Variants in POLE observed in about 807,000 individuals in gnomAD.
The protein encoded by POLE is DNA polymerase epsilon catalytic subunit A.
Under a neutral mutation model 279.2 loss-of-function variants are expected in POLE, and 188 were observed. That is an observed-to-expected ratio of 0.67 (90% CI 0.60 to 0.76). POLE has a LOEUF of 0.76. Ranked by LOEUF, POLE falls within the 30% of genes least tolerant of loss-of-function variation. POLE has a pLI of 0.00. For missense variants in POLE, 2,703 were observed against 3,016.7 expected, an observed-to-expected ratio of 0.90 and a Z score of 2.44; for synonymous variants, 1,214 against 1,172.5, an observed-to-expected ratio of 1.04 and a Z score of -0.72.
At position 132,661,452 on chromosome 12, in the gene POLE, ACCT is replaced by A; in HGVS notation, c.2864+72_2864+74del. ...TGTTTCTATCCTGGCTCCTGATCCAACCTCCTTTCTGGGCTAAATTTAATCTAT... is the reference window on the plus strand; with the variant it reads ...TGTTTCTATCCTGGCTCCTGATCCAACCTTTCTGGGCTAAATTTAATCTAT... On this transcript the variant is annotated intron_variant, in intron 24 of 48. Transcript: ENST00000320574. The surrounding 1 kb of genome is among the most constrained non-coding windows in gnomAD (Gnocchi z 4.1). 6.6e-7 allele frequency: 1 copy of A among 1,510,150 alleles called. No individual in the cohort carries two copies. The highest frequency in any genetic ancestry group is 1.2e-5 in the South Asian group (1 of 81,980). 93.5% of individuals were successfully genotyped at this position (1,510,150 alleles called of 1,614,324 possible). A position where few individuals can be genotyped will look rare whatever the true frequency, so the allele number is the denominator to read the frequency against.
At chr12:132,625,885 C>G in intron 46 of POLE, 115 bp from the exon 47 acceptor site, 1 of 1,423,996 alleles carries the variant, frequency 7.0e-7, no homozygotes. Flanking sequence ...GGGCGAGTCT[C>G]CTGAGTGCAG....
rs766396200 is a variant in POLE at position 132,672,266 on chromosome 12, G to A, written c.1743C>T (p.Ala581=). ...LQRVEKTLRH[A]LEEEEKVPVE... ...CAGGCACTTTCTCCTCTTCCTCAAG[G>A]GCGTGGCGCAAGGTCTTCTCAACCC... Residue 581 remains alanine (A), a synonymous_variant, in exon 16 of 49, where the codon GCC becomes GCT. Coordinates refer to ENST00000320574, the MANE Select transcript of POLE (RefSeq NM_006231.4). 3.1e-6 allele frequency: 5 copies of A among 1,614,042 alleles called. No homozygotes were observed. The African/African-American group carries it at 4.0e-5, about 13-fold the overall frequency.
At chr12:132,626,096 C>CCCT in intron 46 of POLE, 21 bp downstream of exon 46, 1 of 1,574,182 alleles carries the variant, frequency 6.4e-7, no homozygotes, top group Non-Finnish European at 8.6e-7. Flanking sequence ...CAGTGAAGGG[C>CCCT]CCGCTGGAGC....
chr12:132,649,477 C>T lies in POLE; in HGVS notation c.3834G>A (p.Lys1278=), dbSNP rs878854862. ...WLVWLRFHKK[K]WQLQARQRLA... ...GGCGCTGCCGGGCCTGCAGCTGCCA[C>T]TTCTTCTTGTGGAACCGGAGCCAGA... is the stretch of plus-strand genomic sequence containing the variant. The change falls in exon 31 of 49, where the codon AAG becomes AAA. Residue 1278 remains lysine, a synonymous_variant. Transcript: ENST00000320574. 6.2e-7 allele frequency: 1 copy of T among 1,612,406 alleles called. No individual in the cohort carries two copies. Among genetic ancestry groups the T allele is most frequent in the Non-Finnish European group, 8.5e-7 (1 of 1,180,014 alleles).
At chr12:132,636,955 C>T (rs987389005) in intron 41 of POLE, among the ~76,000 whole-genome samples, 9 of 152,196 alleles carry the variant, frequency 5.9e-5, no homozygotes, top group East Asian at 1.9e-4. Context: ...TGAGCAACCC[C>T]GGCCTCCTCA....
Position 132,643,970 on chromosome 12 carries a change from C to T in POLE, c.4157G>A (p.Arg1386Gln), listed in dbSNP as rs969355093. The change falls in exon 33 of 49, where the codon CGG (arginine) becomes CAG (glutamine). Residue 1386 changes from arginine (R) to glutamine (Q), a missense_variant. This residue lies in a region of POLE where 1,551 missense variants were observed against 1,686.1 expected (regional missense o/e 0.92). Transcript: ENST00000320574. The stretch of plus-strand genomic sequence containing the variant: ...GACCATGTTGGAGCGAGGAAGGACC[C>T]GATTTACCTGGCGAGAATACGACGA... ...EEGASYRKVNRVLPRSNMVYN... is the reference protein window; with the variant it reads ...EEGASYRKVNQVLPRSNMVYN... The T allele has an allele frequency of 9.3e-6, 15 of 1,612,996 alleles. No homozygotes were observed. Among genetic ancestry groups the T allele is most frequent in the East Asian group, 4.5e-5 (2 of 44,852 alleles).
At chr12:132,649,188 G>T in intron 31 of POLE, 116 bp from the exon 32 acceptor site, 1 of 1,498,318 alleles carries the variant, frequency 6.7e-7, no homozygotes, top group Non-Finnish European at 9.1e-7. Context: ...CCCTACGATG[G>T]GCAGGAAACT....
chr12:132,632,184 T>A, intron 45 of POLE, 131 bp downstream of exon 45: 2 of 700,154 alleles, frequency 2.9e-6, no homozygotes, highest in Non-Finnish European at 4.9e-6. Flanking sequence ...TATGTCGGTG[T>A]CCTTATCTTG....
chr12:132,647,085 G>C (rs1241446067), intron 32 of POLE, among the ~76,000 whole-genome samples: 1 of 152,130 alleles, frequency 6.6e-6, no homozygotes. Flanking sequence ...TAAAATTGCA[G>C]TTTCTAAGGA....
Position 132,675,274 on chromosome 12 carries a change from C to T in POLE, c.1226+124G>A, listed in dbSNP as rs2043018198. 5 of 1,259,948 alleles carry T rather than the reference C, an allele frequency of 4.0e-6. No individual in the cohort carries two copies. The highest frequency in any genetic ancestry group is 5.5e-6 in the Non-Finnish European group (5 of 913,546). 78.0% of individuals were successfully genotyped at this position (1,259,948 alleles called of 1,614,324 possible). A position where few individuals can be genotyped will look rare whatever the true frequency, so the allele number is the denominator to read the frequency against. ...TTGCAGCTGCCATACTCTTGGGTGACCTGAAACGGCCTCTCGGAGGCCACC... is the reference window on the plus strand; with the variant it reads ...TTGCAGCTGCCATACTCTTGGGTGATCTGAAACGGCCTCTCGGAGGCCACC... On this transcript the variant is annotated intron_variant, in intron 12 of 48. Transcript: ENST00000320574. This position sits in a 1 kb window ranked among gnomAD's most constrained non-coding sequence, Gnocchi z 4.3.
rs879783561 is a variant in POLE at position 132,626,239 on chromosome 12, C to T, written c.6409G>A (p.Glu2137Lys). 1.2e-5 allele frequency: 19 copies of T among 1,613,782 alleles called. No individual in the cohort carries two copies. Among genetic ancestry groups the T allele is most frequent in the African/African-American group, 6.7e-5 (5 of 74,926 alleles). The change falls in exon 46 of 49, where the codon GAG becomes AAG. Residue 2137 changes from glutamate (E) to lysine (K), a missense_variant. Glu to Lys is a moderately conservative substitution (Grantham distance 56). Coordinates refer to ENST00000320574, the MANE Select transcript of POLE (RefSeq NM_006231.4). Reference protein sequence around the residue: ...RDLLRLVDVGEFSEEAQFRDP... With the variant: ...RDLLRLVDVGKFSEEAQFRDP... ...CGGAACTGGGCCTCCTCGGAGAACT[C>T]GCCGACATCCACCAGGCGAAGCAGG...
chr12:132,643,418 T>G lies in POLE; in HGVS notation c.4433A>C (p.Tyr1478Ser), dbSNP rs1162335715. The change falls in exon 34 of 49, where the codon TAC becomes TCC. Residue 1478 changes from tyrosine (Y) to serine (S), a missense_variant. This residue lies in a region of POLE where 1,551 missense variants were observed against 1,686.1 expected (regional missense o/e 0.92). Transcript: ENST00000320574. Reference sequence around the variant, plus strand: ...GGTGCAGGCCATACCTGGTTCCAGGTAGCTGAACTGGGCCAGAGAGCGCAT... The same window carrying G: ...GGTGCAGGCCATACCTGGTTCCAGGGAGCTGAACTGGGCCAGAGAGCGCAT... ...LEMRSLAQFS[Y>S]LEPGSIRHIY... 6.2e-7 allele frequency: 1 copy of G among 1,614,188 alleles called. No homozygotes were observed. The highest frequency in any genetic ancestry group is 8.5e-7 in the Non-Finnish European group (1 of 1,180,014).
Position 132,667,622 on chromosome 12 carries a change from T to TA in POLE, c.2199_2200insT (p.Ile734TyrfsTer57), listed in dbSNP as rs766818687. 5.0e-6 allele frequency: 8 copies of TA among 1,614,136 alleles called. No individual in the cohort carries two copies. The highest frequency in any genetic ancestry group is 3.3e-5 in the Admixed American group (2 of 60,034). On this transcript the variant is annotated frameshift_variant, in exon 20 of 49. Coordinates refer to ENST00000320574, the MANE Select transcript of POLE (RefSeq NM_006231.4). LOFTEE classifies it high-confidence loss of function. ...CGCTCTTCCACCTTGGTGATGTGGA[T>TA]CTTCTTGTAGGCTTTCCGGCAGTAA...
intron 15 of POLE, 82 bp downstream of exon 15, chr12:132,672,545 G>T (rs1199022786): frequency 1.4e-6 from 2 of 1,413,206 alleles, no homozygotes; most frequent in Non-Finnish European, 9.9e-7. Context: ...GGGAGAAGGG[G>T]CTTTATTTCA....
intron 29 of POLE, chr12:132,650,375 G>C (rs2042395569): frequency 6.0e-6 from 1 of 166,080 alleles, no homozygotes; most frequent in Non-Finnish European, 1.3e-5. Context: ...AGCACTTTGA[G>C]AGGCTGAGGT....
At position 132,624,941 on chromosome 12, in the gene POLE, G is replaced by C. The variant is rs774472240; in HGVS notation, c.6711C>G (p.Ser2237Arg). 6.2e-7 allele frequency: 1 copy of C among 1,614,104 alleles called. No individual in the cohort carries two copies. The highest frequency in any genetic ancestry group is 8.5e-7 in the Non-Finnish European group (1 of 1,179,988). The change falls in exon 48 of 49, where the codon AGC becomes AGG. Residue 2237 changes from serine to arginine, a missense_variant. Transcript: ENST00000320574. The stretch of plus-strand genomic sequence containing the variant: ...TGGTGAGGGCGAAGTCTCCCGCGCA[G>C]CTGCAGTACACAGGCATGCTGGTCT... ...VKETSMPVYC[S>R]CAGDFALTIH...
At chr12:132,629,367 C>G (rs1293760735) in intron 45 of POLE, among the ~76,000 whole-genome samples, 1 of 152,236 alleles carries the variant, frequency 6.6e-6, no homozygotes, top group East Asian at 1.9e-4. Context: ...TATGAAAGTC[C>G]TAGATGGCAT....
At chr12:132,652,932 T>C (rs960051771) in intron 29 of POLE, among the ~76,000 whole-genome samples, 1 of 152,256 alleles carries the variant, frequency 6.6e-6, no homozygotes, top group Non-Finnish European at 1.5e-5. Flanking sequence ...TCAAGTTCTA[T>C]CCAAAAAGCT....
intron 1 of POLE, among the ~76,000 whole-genome samples, chr12:132,686,147 G>A (rs1229175542): frequency 6.6e-6 from 1 of 152,044 alleles, no homozygotes. Context: ...AAAGTGCTGG[G>A]ATTACAGGTG....
Sources: gnomAD v4.1 joint callset for allele counts (sites outside exome capture counted in the v4.1 genomes callset) on GRCh38, gnomAD v4.1.1 for gene constraint, gnomAD v4.1.1 regional missense constraint, Gnocchi (gnomAD v3.1) non-coding constraint, MANE v1.5 for transcripts, NCBI Gene and HGNC (gene_info 2026-07-23, HGNC 2026-07-21) for gene names.